Variants in RIC1 observed in about 807,000 individuals in gnomAD.
RIC1 encodes the protein RIC1 partner of RAB6A GEF complex, also known as guanine nucleotide exchange factor subunit RIC1.
RIC1 carries 88 observed loss-of-function variants against 169.0 expected under a neutral mutation model. That is an observed-to-expected ratio of 0.52 (90% CI 0.44 to 0.62). The LOEUF (loss-of-function observed/expected upper bound fraction) is 0.62. RIC1 is among the 20% of genes least tolerant of loss of function. The pLI is 0.00. For missense variants in RIC1, 1,877 were observed against 1,725.5 expected (o/e 1.09, Z -1.56); for synonymous variants, 790 against 601.5 (o/e 1.31, Z -4.59).
chr9:5,670,546 T>C (rs1275019268), intron 2 of RIC1, among the ~76,000 whole-genome samples: 1 of 152,236 alleles, frequency 6.6e-6, no homozygotes, highest in African/African-American at 2.4e-5. Context: ...GTAGAATTCT[T>C]AACCATGTAA....
intron 2 of RIC1, among the ~76,000 whole-genome samples, chr9:5,677,451 C>A (rs918971969): frequency 1.2e-4 from 18 of 152,012 alleles, no homozygotes; most frequent in African/African-American, 3.6e-4. Context: ...AAGATTATCC[C>A]TTCTACACAG....
intron 2 of RIC1, among the ~76,000 whole-genome samples, chr9:5,680,175 A>G (rs1820730437): frequency 6.6e-6 from 1 of 152,234 alleles, no homozygotes. Flanking sequence ...CCAGCCTTGC[A>G]TCCCAGGGAT....
At chr9:5,761,405 C>CGCCCAGCCTG (rs1826333879) in intron 17 of RIC1, among the ~76,000 whole-genome samples, 2 of 152,260 alleles carry the variant, frequency 1.3e-5, no homozygotes, top group African/African-American at 2.4e-5. Flanking sequence ...TGAGCCACTG[C>CGCCCAGCCTG]GCCCAGCCTG....
rs1563710161 is a variant in RIC1, at chr9:5,757,333, T to C, written c.1874T>C (p.Ile625Thr). ...KSDGPNTTAGIQVLQEVSMSR... is the reference protein window; with the variant it reads ...KSDGPNTTAGTQVLQEVSMSR... ...TACAGTCCAAATACTACTGCTGGTA[T>C]TCAAGTTCTTCAGGAGGTTTCCATG... The change falls in exon 17 of 26, where the codon ATT becomes ACT. Residue 625 changes from isoleucine (I) to threonine (T), a missense_variant. Around this residue, in one of 3 missense-constraint regions of RIC1, gnomAD observed 1,104 missense variants for 992.0 expected, o/e 1.11. Transcript: ENST00000414202. The C allele has an allele frequency of 1.9e-6, 3 of 1,614,102 alleles. No individual in the cohort carries two copies. In the South Asian group the frequency reaches 3.3e-5, roughly 18 times the overall value.
chr9:5,720,456 G>T, intron 5 of RIC1, 132 bp downstream of exon 5: 1 of 1,117,826 alleles, frequency 8.9e-7, no homozygotes, highest in Non-Finnish European at 1.3e-6. Flanking sequence ...TGAGAGGCGG[G>T]GTGAGAGAGG....
chr9:5,772,613 C>T lies in RIC1; in HGVS notation c.3666C>T (p.Ser1222=). 6.2e-7 allele frequency: 1 copy of T among 1,613,850 alleles called. No homozygotes were observed. The highest frequency in any genetic ancestry group is 8.5e-7 in the Non-Finnish European group (1 of 1,179,868). The change falls in exon 24 of 26, where the codon TCC becomes TCT. Residue 1222 remains serine, a synonymous_variant. Coordinates refer to ENST00000414202, the MANE Select transcript of RIC1 (RefSeq NM_020829.4). ...CCACAGACTTGACTGAAAGTAGCTCCATGGTGGATGGCGACTGGACAATGG... is the reference window on the plus strand; with the variant it reads ...CCACAGACTTGACTGAAAGTAGCTCTATGGTGGATGGCGACTGGACAATGG... ...GSATDLTESS[S]MVDGDWTMVD...
At chr9:5,766,555 T>C (rs1164354477) in intron 21 of RIC1, among the ~76,000 whole-genome samples, 1 of 152,148 alleles carries the variant, frequency 6.6e-6, no homozygotes, top group African/African-American at 2.4e-5. Context: ...TGCCTTTGCG[T>C]CCTCATGGTT....
chr9:5,773,982 C>A lies in RIC1; in HGVS notation c.4008C>A (p.Asn1336Lys). Residue 1336 changes from asparagine (N) to lysine (K), a missense_variant, in exon 26 of 26, where the codon AAC (asparagine) becomes AAA (lysine). By Grantham distance (94) the Asn-to-Lys change is moderately conservative. Coordinates refer to ENST00000414202, the MANE Select transcript of RIC1 (RefSeq NM_020829.4). ...TDCPGYKPFL[N>K]IIKPQLQKLS... is the part of the protein sequence containing the mutation. ...GTCCTGGATATAAGCCATTTTTAAA[C>A]ATCATTAAGCCACAACTGCAGAAGC... 2.5e-6 allele frequency: 4 copies of A among 1,606,202 alleles called. No individual in the cohort carries two copies. The highest frequency in any genetic ancestry group is 3.4e-6 in the Non-Finnish European group (4 of 1,177,160).
At chr9:5,634,098 A>ATG (rs973092368) in intron 1 of RIC1, among the ~76,000 whole-genome samples, 5 of 152,036 alleles carry the variant, frequency 3.3e-5, no homozygotes, top group African/African-American at 7.2e-5. Flanking sequence ...TTATGTGTGT[A>ATG]TGTGTGTGTG....
chr9:5,691,141 A>G (rs573080999), intron 3 of RIC1, among the ~76,000 whole-genome samples: 1 of 152,104 alleles, frequency 6.6e-6, no homozygotes, highest in South Asian at 2.1e-4. Flanking sequence ...ATATGTAGTC[A>G]TTATGTCTCA....
chr9:5,686,587 G>A (rs200335472), intron 2 of RIC1, among the ~76,000 whole-genome samples: 5 of 146,682 alleles, frequency 3.4e-5, no homozygotes, highest in South Asian at 2.2e-4. Context: ...TGAGATCACA[G>A]GGAGACATGA....
intron 1 of RIC1, among the ~76,000 whole-genome samples, chr9:5,640,777 A>T (rs1818199173): frequency 6.6e-6 from 1 of 152,156 alleles, no homozygotes; most frequent in African/African-American, 2.4e-5. Context: ...TTGAGGGCAG[A>T]TCCAGTGTTG....
intron 7 of RIC1, among the ~76,000 whole-genome samples, chr9:5,737,672 C>T (rs1327434300): frequency 2.0e-5 from 3 of 151,774 alleles, no homozygotes; most frequent in Admixed American, 6.6e-5. Flanking sequence ...AACCCCCCAA[C>T]ACAGTTGAAA....
chr9:5,741,846 G>C (rs532562568), intron 8 of RIC1, among the ~76,000 whole-genome samples: 1 of 152,068 alleles, frequency 6.6e-6, no homozygotes, highest in Non-Finnish European at 1.5e-5. Context: ...ACTGAGAGCC[G>C]ATTGTTTTCC....
chr9:5,629,369 G>C lies in RIC1; in HGVS notation c.60G>C (p.Glu20Asp). 6.5e-7 allele frequency: 1 copy of C among 1,534,466 alleles called. No individual in the cohort carries two copies. Among genetic ancestry groups the C allele is most frequent in the Non-Finnish European group, 8.7e-7 (1 of 1,146,264 alleles). Reference sequence around the variant, plus strand: ...TGTGCCCTCTGGGGAGCCCGGCCGAGGCGCCTTTCCACGTTCAGTCCGACC... The same window carrying C: ...TGTGCCCTCTGGGGAGCCCGGCCGACGCGCCTTTCCACGTTCAGTCCGACC... ...RLLCPLGSPAEAPFHVQSDPQ... is the reference protein window; with the variant it reads ...RLLCPLGSPADAPFHVQSDPQ... The change falls in exon 1 of 26, where the codon GAG (glutamate) becomes GAC (aspartate). Residue 20 changes from glutamate (E) to aspartate (D), a missense_variant. Physicochemically the swap from Glu to Asp is conservative, Grantham distance 45 (BLOSUM62 2). Around this residue, in one of 3 missense-constraint regions of RIC1, gnomAD observed 1,104 missense variants for 992.0 expected, o/e 1.11. Transcript: ENST00000414202.
rs1817591387 is a variant in RIC1, at chr9:5,629,136, T to TTGCG, written c.-173_-172insGCGT. ...TCGGCCCCGTCAGCTTGGGGGTGCC[T>TTGCG]TCGTCGCGCAGCCTTGCGTCGGCCC... On this transcript the variant is annotated 5_prime_UTR_variant, in exon 1 of 26. Transcript: ENST00000414202. The TTGCG allele has an allele frequency of 4.2e-6, 2 of 481,460 alleles. No individual in the cohort carries two copies. Among genetic ancestry groups the TTGCG allele is most frequent in the Admixed American group, 9.4e-5 (2 of 21,220 alleles). The allele number at this position is 481,460 out of a possible 1,614,324, so 29.8% of individuals were successfully genotyped here. A position where few individuals can be genotyped will look rare whatever the true frequency, so the allele number is the denominator to read the frequency against.
At chr9:5,730,529 G>GTA (rs1216043786) in intron 6 of RIC1, among the ~76,000 whole-genome samples, 1 of 152,134 alleles carries the variant, frequency 6.6e-6, no homozygotes, top group Non-Finnish European at 1.5e-5. Flanking sequence ...CTAAATTAGA[G>GTA]TATATATGGG....
chr9:5,741,445 A>G (rs995202751), intron 8 of RIC1, among the ~76,000 whole-genome samples: 1 of 152,208 alleles, frequency 6.6e-6, no homozygotes, highest in Admixed American at 6.6e-5. Context: ...GAACTCAGAT[A>G]TACATTACAC....
chr9:5,661,980 C>G (rs1202440151), intron 2 of RIC1, among the ~76,000 whole-genome samples: 1 of 152,064 alleles, frequency 6.6e-6, no homozygotes, highest in Admixed American at 6.6e-5. Context: ...TCATATATGA[C>G]TCTTATTATT....
Sources: gnomAD v4.1 joint callset for allele counts (sites outside exome capture counted in the v4.1 genomes callset) on GRCh38, gnomAD v4.1.1 for gene constraint, gnomAD v4.1.1 regional missense constraint, MANE v1.5 for transcripts, NCBI Gene and HGNC (gene_info 2026-07-23, HGNC 2026-07-21) for gene names.